SPATA6: variants seen among roughly 807,000 people sequenced by gnomAD.
SPATA6 encodes spermatogenesis associated 6, also known as spermatogenesis-associated protein 6.
SPATA6 carries 56 observed loss-of-function variants against 65.3 expected under a neutral mutation model. The observed-to-expected ratio is 0.86, with a 90% CI of 0.69 to 1.07. The LOEUF is 1.07. SPATA6 is among the 50% of genes least tolerant of loss of function. The pLI, the probability that SPATA6 is intolerant of heterozygous loss-of-function variation, is 0.00. For synonymous variants in SPATA6, 199 were observed against 213.2 expected, an observed-to-expected ratio of 0.93 and a Z score of 0.58; for missense variants, 590 against 594.8, an observed-to-expected ratio of 0.99 and a Z score of 0.08.
At chr1:48,362,070 G>C (rs1174630585) in intron 9 of SPATA6, among the ~76,000 whole-genome samples, 1 of 152,050 alleles carries the variant, frequency 6.6e-6, no homozygotes, top group East Asian at 1.9e-4. Context: ...AGATCAAGGA[G>C]GCTGATGGTC....
chr1:48,419,370 G>A (rs954406680), intron 3 of SPATA6, among the ~76,000 whole-genome samples: 4 of 152,210 alleles, frequency 2.6e-5, no homozygotes, highest in Non-Finnish European at 4.4e-5. Flanking sequence ...GTATTTGAAT[G>A]AGGAGTAGAA....
intron 11 of SPATA6, among the ~76,000 whole-genome samples, chr1:48,319,604 G>GA (rs1645541406): frequency 6.6e-6 from 1 of 152,160 alleles, no homozygotes; most frequent in Non-Finnish European, 1.5e-5. Flanking sequence ...CGCAGAGCTA[G>GA]GAAAGGTTCC....
At chr1:48,317,783 AT>A (rs1645482321) in intron 11 of SPATA6, among the ~76,000 whole-genome samples, 1 of 152,204 alleles carries the variant, frequency 6.6e-6, no homozygotes, top group Non-Finnish European at 1.5e-5. Flanking sequence ...CTTCCCAAAA[AT>A]TTAAGAGGAA....
chr1:48,356,716 G>A (rs1010419948), intron 10 of SPATA6, among the ~76,000 whole-genome samples: 2 of 151,840 alleles, frequency 1.3e-5, no homozygotes, highest in Non-Finnish European at 2.9e-5. Flanking sequence ...TGTTGGTCAG[G>A]CTGGTCCCAA....
chr1:48,309,093 G>A (rs566611995), intron 11 of SPATA6, among the ~76,000 whole-genome samples: 1 of 152,074 alleles, frequency 6.6e-6, no homozygotes, highest in Non-Finnish European at 1.5e-5. Flanking sequence ...AGTCTCAAGT[G>A]TGGATCTATT....
At chr1:48,435,419 G>A (rs981168150) in intron 3 of SPATA6, among the ~76,000 whole-genome samples, 5 of 151,740 alleles carry the variant, frequency 3.3e-5, no homozygotes, top group Non-Finnish European at 5.9e-5. Context: ...GCACCAATCA[G>A]CACTCTAAAA....
At chr1:48,455,928 G>A (rs1656967506) in intron 1 of SPATA6, among the ~76,000 whole-genome samples, 2 of 152,106 alleles carry the variant, frequency 1.3e-5, no homozygotes, top group South Asian at 4.1e-4. Flanking sequence ...GAAAAGGGAG[G>A]TTAAAAGAAA....
intron 9 of SPATA6, 27 bp from the exon 10 acceptor site, chr1:48,359,797 A>G (rs1337852950): frequency 4.6e-6 from 7 of 1,527,280 alleles, no homozygotes; most frequent in Non-Finnish European, 5.3e-6. Flanking sequence ...ATACATATAG[A>G]TATACAAATA....
At chr1:48,418,422 G>T (rs571884868) in intron 3 of SPATA6, among the ~76,000 whole-genome samples, 2 of 151,596 alleles carry the variant, frequency 1.3e-5, no homozygotes, top group Admixed American at 1.3e-4. Flanking sequence ...GAAATCAAAT[G>T]AATTTCTGGG....
intron 11 of SPATA6, among the ~76,000 whole-genome samples, chr1:48,328,067 C>T (rs1645814746): frequency 6.6e-6 from 1 of 151,932 alleles, no homozygotes. Context: ...AGAAGATATA[C>T]AAATTACCAA....
In SPATA6 at chr1:48,355,590, AT is replaced by A. The variant is rs770159575; in HGVS notation, c.1194+79del. The A allele has an allele frequency of 1.3e-4, 128 of 1,003,048 alleles. 2 individuals carry two copies. The highest frequency in any genetic ancestry group is 1.8e-4 in the Non-Finnish European group (127 of 690,082). The allele number at this position is 1,003,048 out of a possible 1,614,324, so 62.1% of individuals were successfully genotyped here. On this transcript the variant is annotated intron_variant, in intron 11 of 12. Coordinates refer to ENST00000371847, the MANE Select transcript of SPATA6 (RefSeq NM_019073.4). ...TTCTTTTTTTCTTCCCGGTGACTAA[AT>A]TTTGTAAGCTTTAGGCATCTTTGGT... is the stretch of plus-strand genomic sequence containing the variant.
chr1:48,338,252 A>G (rs1162419809), intron 11 of SPATA6, among the ~76,000 whole-genome samples: 3 of 152,044 alleles, frequency 2.0e-5, no homozygotes, highest in African/African-American at 7.2e-5. Context: ...GAAAGATGCT[A>G]GGTCATAATC....
chr1:48,306,335 T>C (rs1250459777), intron 11 of SPATA6, among the ~76,000 whole-genome samples: 1 of 151,668 alleles, frequency 6.6e-6, no homozygotes, highest in Admixed American at 6.6e-5. Flanking sequence ...AAAGCCAAAA[T>C]GCAAAATCAA....
chr1:48,465,409 C>A (rs541384085), intron 1 of SPATA6, among the ~76,000 whole-genome samples: 4 of 152,206 alleles, frequency 2.6e-5, no homozygotes, highest in African/African-American at 9.6e-5. Flanking sequence ...TTATGACAGT[C>A]CTAGGAAACT....
Position 48,305,330 on chromosome 1 carries a change from A to G in SPATA6, c.1286+457T>C, listed in dbSNP as rs75795873. On this transcript the variant is annotated intron_variant, in intron 12 of 12. Transcript: ENST00000371847. The stretch of plus-strand genomic sequence containing the variant: ...CAAAATTTACACTTTTTAATACTGC[A>G]TTAAAATTATGTCAGTTGACACAGA... 8.6e-3 allele frequency among the ~76,000 whole-genome samples: 1,303 copies of G among 152,304 alleles called. 21 individuals are homozygous for G. The highest frequency in any genetic ancestry group is 0.03 in the African/African-American group (1,262 of 41,572).
chr1:48,433,280 A>G (rs1459015475), intron 3 of SPATA6, among the ~76,000 whole-genome samples: 1 of 152,178 alleles, frequency 6.6e-6, no homozygotes, highest in East Asian at 1.9e-4. Flanking sequence ...TTAAGATAGT[A>G]AATTTCATTA....
intron 9 of SPATA6, among the ~76,000 whole-genome samples, chr1:48,364,616 G>A (rs1041540006): frequency 6.6e-6 from 1 of 152,186 alleles, no homozygotes; most frequent in African/African-American, 2.4e-5. Flanking sequence ...AGACATGTCT[G>A]TTCATATCCT....
chr1:48,363,755 CTTCTT>C (rs1484626866), intron 9 of SPATA6, among the ~76,000 whole-genome samples: 2 of 119,856 alleles, frequency 1.7e-5, no homozygotes, highest in African/African-American at 3.4e-5. Context: ...AAAAAGGAAA[CTTCTT>C]TTTTTTCATG....
intron 3 of SPATA6, among the ~76,000 whole-genome samples, chr1:48,444,749 G>C (rs756265615): frequency 6.6e-6 from 1 of 152,072 alleles, no homozygotes; most frequent in African/African-American, 2.4e-5. Context: ...TCACTCTTTC[G>C]GTCCGTGCCA....
Sources: allele counts gnomAD v4.1 joint callset (sites outside exome capture counted in the v4.1 genomes callset), GRCh38; gene constraint gnomAD v4.1.1; transcripts MANE v1.5; gene names NCBI Gene and HGNC (gene_info 2026-07-23, HGNC 2026-07-21).